The following EYA4 variants were observed in gnomAD, a reference collection of about 807,000 sequenced individuals.
EYA4 encodes EYA transcriptional coactivator and phosphatase 4.
EYA4 carries 31 observed loss-of-function variants against 87.9 expected under a neutral mutation model. That is an observed-to-expected ratio of 0.35 (90% confidence interval 0.27 to 0.48). The LOEUF is 0.48. Ranked by LOEUF, EYA4 falls within the 20% of genes least tolerant of loss-of-function variation. EYA4 has a pLI of 0.99. For synonymous variants in EYA4, 263 were observed against 270.6 expected (o/e 0.97, Z 0.28); for missense variants, 678 against 761.4 (o/e 0.89, Z 1.29).
chr6:133,248,799 C>T (rs369786395), intron 1 of EYA4: 4 of 151,918 alleles, frequency 2.6e-5, no homozygotes, highest in Admixed American at 1.3e-4. Flanking sequence ...TAAAACAATG[C>T]TTCTAGTAGG....
chr6:133,502,976 C>G (rs1798267027), intron 13 of EYA4, among the ~76,000 whole-genome samples: 1 of 152,228 alleles, frequency 6.6e-6, no homozygotes, highest in African/African-American at 2.4e-5. Flanking sequence ...AGTCCTGGCT[C>G]TCACAGAGTG....
intron 13 of EYA4, among the ~76,000 whole-genome samples, chr6:133,491,291 T>C (rs1243081231): frequency 6.6e-6 from 1 of 151,968 alleles, no homozygotes; most frequent in African/African-American, 2.4e-5. Flanking sequence ...TGATGCATCT[T>C]AAAGAACTAG....
At chr6:133,440,147 G>A (rs992696917) in intron 3 of EYA4, among the ~76,000 whole-genome samples, 2 of 152,148 alleles carry the variant, frequency 1.3e-5, no homozygotes, top group African/African-American at 4.8e-5. Context: ...CAAGTAATTT[G>A]AACAACTCTT....
intron 2 of EYA4, among the ~76,000 whole-genome samples, chr6:133,381,075 C>CTTTT (rs5880181): frequency 1.0e-5 from 1 of 96,816 alleles, no homozygotes; most frequent in African/African-American, 3.9e-5. Flanking sequence ...TTTTTTTTTT[C>CTTTT]TTTTTTTTTT....
chr6:133,435,895 A>G (rs1166426178), intron 3 of EYA4, among the ~76,000 whole-genome samples: 1 of 151,746 alleles, frequency 6.6e-6, no homozygotes, highest in Non-Finnish European at 1.5e-5. Context: ...CCCCTCACTC[A>G]TTTGGGAGAT....
At position 133,322,839 on chromosome 6, in the gene EYA4, A is replaced by C. The variant is rs972033016; in HGVS notation, c.33+48026A>C. On this transcript the variant is annotated intron_variant, in intron 2 of 19. Coordinates refer to ENST00000355286, the MANE Select transcript of EYA4 (RefSeq NM_004100.5). ...AATTTGAATTACCTCTAGTAAAAGTAAAGGTTCATGTTATGCAAACACATT... is the reference window on the plus strand; with the variant it reads ...AATTTGAATTACCTCTAGTAAAAGTCAAGGTTCATGTTATGCAAACACATT... Among the ~76,000 whole-genome samples, 77 of 152,326 alleles carry C rather than the reference A, an allele frequency of 5.1e-4. 1 individual carries two copies. The highest frequency in any genetic ancestry group is 3.4e-3 in the Middle Eastern group (1 of 294).
intron 1 of EYA4, among the ~76,000 whole-genome samples, chr6:133,266,205 A>G (rs970846744): frequency 3.3e-5 from 5 of 152,210 alleles, no homozygotes; most frequent in African/African-American, 4.8e-5. Context: ...TCCTAATACA[A>G]TGACTGTTGT....
rs186999096 is a variant in EYA4, at chr6:133,494,930, C to T, written c.1192-11176C>T. Among the ~76,000 whole-genome samples, 847 of 152,128 alleles carry T rather than the reference C, an allele frequency of 5.6e-3. 2 individuals carry two copies. Among genetic ancestry groups the T allele is most frequent in the Admixed American group, 0.01 (160 of 15,284 alleles). Reference sequence around the variant, plus strand: ...ATAAGCACTTGAGGTGATGGATACCCCATTTACCCTGATGTGATTATTATG... The same window carrying T: ...ATAAGCACTTGAGGTGATGGATACCTCATTTACCCTGATGTGATTATTATG... On this transcript the variant is annotated intron_variant, in intron 13 of 19. Coordinates refer to ENST00000355286, the MANE Select transcript of EYA4 (RefSeq NM_004100.5).
At chr6:133,506,459 G>A (rs1798632352) in intron 14 of EYA4, among the ~76,000 whole-genome samples, 1 of 152,158 alleles carries the variant, frequency 6.6e-6, no homozygotes, top group Non-Finnish European at 1.5e-5. Context: ...AGCTGTACAT[G>A]ACTCTTGGTT....
intron 2 of EYA4, among the ~76,000 whole-genome samples, chr6:133,342,072 G>T (rs1782824010): frequency 6.6e-6 from 1 of 151,998 alleles, no homozygotes; most frequent in African/African-American, 2.4e-5. Context: ...CACTAACTTG[G>T]AATCATCAGG....
intron 3 of EYA4, among the ~76,000 whole-genome samples, chr6:133,386,998 A>G (rs985060169): frequency 1.3e-5 from 2 of 152,198 alleles, no homozygotes; most frequent in Non-Finnish European, 2.9e-5. Flanking sequence ...TTCTTGCCCT[A>G]GTCTTTACTA....
At chr6:133,327,809 G>A (rs1781619058) in intron 2 of EYA4, among the ~76,000 whole-genome samples, 1 of 152,148 alleles carries the variant, frequency 6.6e-6, no homozygotes, top group Non-Finnish European at 1.5e-5. Context: ...TATGTTTACG[G>A]ATGAGAGAGA....
chr6:133,249,237 C>T (rs372799424), intron 1 of EYA4, among the ~76,000 whole-genome samples: 3 of 152,158 alleles, frequency 2.0e-5, no homozygotes, highest in East Asian at 3.9e-4. Context: ...ACCAAGGTCA[C>T]AGGTCTAATC....
chr6:133,291,830 G>A (rs898435161), intron 2 of EYA4, among the ~76,000 whole-genome samples: 5 of 152,132 alleles, frequency 3.3e-5, no homozygotes, highest in African/African-American at 1.2e-4. Context: ...TATCCACATT[G>A]ATTCATGTTT....
In EYA4 at chr6:133,528,889, C is replaced by G. The variant is rs1266736270; in HGVS notation, c.*84C>G. The G allele has an allele frequency of 6.2e-7, 1 of 1,606,888 alleles. No individual in the cohort carries two copies. The highest frequency in any genetic ancestry group is 1.7e-5 in the Admixed American group (1 of 59,570). On this transcript the variant is annotated 3_prime_UTR_variant, in exon 20 of 20. Coordinates refer to ENST00000355286, the MANE Select transcript of EYA4 (RefSeq NM_004100.5). ...GTGATTCAATGCCTCTGGCTCTACA[C>G]ATATAAATTGTCTTAATGGATGAAA...
At chr6:133,344,744 A>T (rs1012463081) in intron 2 of EYA4, among the ~76,000 whole-genome samples, 1 of 152,164 alleles carries the variant, frequency 6.6e-6, no homozygotes, top group African/African-American at 2.4e-5. Context: ...AGTATACATA[A>T]CCCAAATTAT....
chr6:133,381,080 T>C (rs575350084), intron 2 of EYA4, among the ~76,000 whole-genome samples: 2 of 145,286 alleles, frequency 1.4e-5, no homozygotes, highest in African/African-American at 5.0e-5. Context: ...TTTTTCTTTT[T>C]TTTTTTTTTT....
At chr6:133,390,528 C>T (rs1046065699) in intron 3 of EYA4, among the ~76,000 whole-genome samples, 9 of 152,166 alleles carry the variant, frequency 5.9e-5, no homozygotes, top group African/African-American at 1.9e-4. Flanking sequence ...GGCCCTATTT[C>T]CCTTATTTTA....
intron 3 of EYA4, among the ~76,000 whole-genome samples, chr6:133,390,284 A>G (rs1482647322): frequency 1.3e-5 from 2 of 152,066 alleles, no homozygotes; most frequent in Non-Finnish European, 2.9e-5. Context: ...CGGTGGCAGA[A>G]TCTCGGCTCA....
Sources: gnomAD v4.1 joint callset for allele counts (sites outside exome capture counted in the v4.1 genomes callset) on GRCh38, gnomAD v4.1.1 for gene constraint, MANE v1.5 for transcripts, NCBI Gene and HGNC (gene_info 2026-07-23, HGNC 2026-07-21) for gene names.